FAT3: variants seen among roughly 807,000 people sequenced by gnomAD.
The protein encoded by FAT3 is protocadherin Fat 3.
Under a neutral mutation model 310.2 loss-of-function variants are expected in FAT3, and 95 were observed. The observed-to-expected ratio is 0.31, with a 90% CI of 0.26 to 0.36. FAT3 has a LOEUF of 0.36. FAT3 is among the 10% of genes least tolerant of loss of function. FAT3 has a pLI of 1.00. For synonymous variants in FAT3, 2,314 were observed against 2,192.9 expected (o/e 1.06, Z -1.54); for missense variants, 5,408 against 5,715.6 (o/e 0.95, Z 1.74).
chr11:92,231,305 G>T (rs1169241694), intron 1 of FAT3, among the ~76,000 whole-genome samples: 3 of 152,044 alleles, frequency 2.0e-5, no homozygotes, highest in African/African-American at 7.2e-5. Context: ...CTGTTGCTTG[G>T]TTTTTTACCT....
In FAT3 at chr11:92,478,948, C is replaced by CTTTTCTTTTCTTTTCTTTTCTTTTCT. The variant is rs1555058203; in HGVS notation, c.3293-45683_3293-45682insTCTTTTCTTTTCTTTTCTTTTCTTTT. On this transcript the variant is annotated intron_variant, in intron 2 of 27. Transcript: ENST00000525166. ...TTTCTTTCCTTCTCTTTCTTTCTTT[C>CTTTTCTTTTCTTTTCTTTTCTTTTCT]TTTCTTTTCTTTTCTTTTCTTTTCT... is the stretch of plus-strand genomic sequence containing the variant. Among the ~76,000 whole-genome samples, 64 of 114,520 alleles carry CTTTTCTTTTCTTTTCTTTTCTTTTCT rather than the reference C, an allele frequency of 5.6e-4. 1 individual carries two copies. The highest frequency in any genetic ancestry group is 2.1e-3 in the African/African-American group (58 of 27,176). 75.1% of individuals were successfully genotyped at this position (114,520 alleles called of 152,430 possible).
At chr11:92,323,243 GTA>G (rs533832925) in intron 1 of FAT3, among the ~76,000 whole-genome samples, 294 of 151,834 alleles carry the variant, frequency 1.9e-3, no homozygotes, top group African/African-American at 6.5e-3. Flanking sequence ...GTGTGTGTGT[GTA>G]TGTGTGTGTA....
At chr11:92,730,429 C>A (rs918350524) in intron 4 of FAT3, among the ~76,000 whole-genome samples, 1 of 152,102 alleles carries the variant, frequency 6.6e-6, no homozygotes, top group Non-Finnish European at 1.5e-5. Flanking sequence ...ACATTTACAG[C>A]TCCATGAGGT....
chr11:92,851,538 T>C (rs998942788), intron 19 of FAT3, among the ~76,000 whole-genome samples: 3 of 152,162 alleles, frequency 2.0e-5, no homozygotes, highest in Non-Finnish European at 2.9e-5. Flanking sequence ...TTACTTATCT[T>C]ACTACCCCAC....
chr11:92,356,555 C>T (rs535420445), intron 2 of FAT3, among the ~76,000 whole-genome samples: 1 of 152,284 alleles, frequency 6.6e-6, no homozygotes, highest in East Asian at 1.9e-4. Context: ...TGCCAACTAC[C>T]AACTTCTTTC....
chr11:92,633,448 A>G (rs146279912), intron 3 of FAT3, among the ~76,000 whole-genome samples: 2 of 152,334 alleles, frequency 1.3e-5, no homozygotes, highest in African/African-American at 4.8e-5. Flanking sequence ...AATTAGGACG[A>G]TGATGTGAAC....
chr11:92,835,608 T>G (rs570599431), intron 15 of FAT3, among the ~76,000 whole-genome samples: 3 of 152,210 alleles, frequency 2.0e-5, no homozygotes, highest in Non-Finnish European at 4.4e-5. Context: ...TTATTCCACA[T>G]TGTATTCATA....
Position 92,800,379 on chromosome 11 carries a change from C to T in FAT3, c.7366C>T (p.His2456Tyr), listed in dbSNP as rs779489918. 3 of 1,613,982 alleles carry T rather than the reference C, an allele frequency of 1.9e-6. No individual in the cohort carries two copies. The Admixed American group carries it at 5.0e-5, about 27-fold the overall frequency. The change falls in exon 10 of 28, where the codon CAT becomes TAT. Residue 2456 changes from histidine (H) to tyrosine (Y), a missense_variant. Around this residue, in one of 5 missense-constraint regions of FAT3, gnomAD observed 4,588 missense variants for 4,809.8 expected, o/e 0.95. Coordinates refer to ENST00000525166, the MANE Select transcript of FAT3 (RefSeq NM_001367949.2). ...SKSGVITLSN[H>Y]RKQRMEPLYS... ...GAGTGGAGTTATCACATTGTCCAAC[C>T]ATCGGAAGCAGCGGATGGAGCCTCT...
At chr11:92,722,899 G>T (rs2135978281) in intron 4 of FAT3, among the ~76,000 whole-genome samples, 1 of 152,222 alleles carries the variant, frequency 6.6e-6, no homozygotes, top group East Asian at 1.9e-4. Flanking sequence ...CACAGCATGG[G>T]GACCCTGGGC....
intron 19 of FAT3, among the ~76,000 whole-genome samples, chr11:92,847,416 C>G (rs1345495373): frequency 6.6e-6 from 1 of 152,138 alleles, no homozygotes; most frequent in Non-Finnish European, 1.5e-5. Context: ...TAAGCGCACT[C>G]TATGATGTTT....
chr11:92,867,848 C>T (rs1381525903), intron 22 of FAT3, among the ~76,000 whole-genome samples: 1 of 151,962 alleles, frequency 6.6e-6, no homozygotes, highest in Admixed American at 6.5e-5. Context: ...GCAATGAAGG[C>T]ATGATCTTTA....
At chr11:92,644,530 A>G (rs534344437) in intron 3 of FAT3, among the ~76,000 whole-genome samples, 2 of 152,130 alleles carry the variant, frequency 1.3e-5, no homozygotes, top group South Asian at 4.1e-4. Context: ...CTAAAATAAA[A>G]TGTTCACTTC....
chr11:92,881,141 T>C (rs1352191894), intron 23 of FAT3, among the ~76,000 whole-genome samples: 2 of 152,228 alleles, frequency 1.3e-5, no homozygotes, highest in Non-Finnish European at 2.9e-5. Flanking sequence ...GATTACTATG[T>C]AGTCTGTAAC....
chr11:92,671,038 G>C (rs1231838588), intron 3 of FAT3, among the ~76,000 whole-genome samples: 1 of 151,372 alleles, frequency 6.6e-6, no homozygotes, highest in African/African-American at 2.4e-5. Flanking sequence ...CACGGTTTTT[G>C]TTTTTTGTTT....
At chr11:92,444,661 G>C (rs1215551566) in intron 2 of FAT3, among the ~76,000 whole-genome samples, 1 of 136,574 alleles carries the variant, frequency 7.3e-6, no homozygotes, top group Non-Finnish European at 1.5e-5. Flanking sequence ...GATATTACTG[G>C]GGGGGGGGGA....
At chr11:92,838,299 C>CA (rs1442700936) in intron 17 of FAT3, among the ~76,000 whole-genome samples, 1 of 152,162 alleles carries the variant, frequency 6.6e-6, no homozygotes, top group Non-Finnish European at 1.5e-5. Flanking sequence ...ACAGATTGGG[C>CA]ATCAGGATAG....
chr11:92,530,930 C>G (rs1005004587), intron 3 of FAT3, among the ~76,000 whole-genome samples: 7 of 149,508 alleles, frequency 4.7e-5, no homozygotes, highest in African/African-American at 1.7e-4. Flanking sequence ...GTACAAGGGT[C>G]CAAATATTGG....
intron 1 of FAT3, among the ~76,000 whole-genome samples, chr11:92,240,198 A>T (rs1022360764): frequency 9.2e-5 from 14 of 151,968 alleles, no homozygotes; most frequent in African/African-American, 3.4e-4. Context: ...TTAGTTTTAC[A>T]TTTTTTTCAT....
chr11:92,851,474 A>G (rs1403058159), intron 19 of FAT3, among the ~76,000 whole-genome samples: 1 of 152,228 alleles, frequency 6.6e-6, no homozygotes, highest in Non-Finnish European at 1.5e-5. Context: ...ACTAAATTAA[A>G]AAAATTAGCC....
Sources: gnomAD v4.1 joint callset for allele counts (sites outside exome capture counted in the v4.1 genomes callset) on GRCh38, gnomAD v4.1.1 for gene constraint, gnomAD v4.1.1 regional missense constraint, MANE v1.5 for transcripts, NCBI Gene and HGNC (gene_info 2026-07-23, HGNC 2026-07-21) for gene names.